The following CPNE4 variants were observed in gnomAD, a reference collection of about 807,000 sequenced individuals.
CPNE4 encodes copine-4.
CPNE4 carries 25 observed loss-of-function variants against 67.9 expected under a neutral mutation model. That is an observed-to-expected ratio of 0.37 (90% CI 0.27 to 0.51). CPNE4 has a LOEUF of 0.51. CPNE4 is among the 20% of genes least tolerant of loss of function. The pLI is 0.93. For missense variants in CPNE4, 464 were observed against 690.8 expected, an observed-to-expected ratio of 0.67 and a Z score of 3.68; for synonymous variants, 242 against 244.9, an observed-to-expected ratio of 0.99 and a Z score of 0.11.
At chr3:131,619,720 C>G (rs1940359382) in intron 7 of CPNE4, among the ~76,000 whole-genome samples, 1 of 152,144 alleles carries the variant, frequency 6.6e-6, no homozygotes, top group African/African-American at 2.4e-5. Context: ...ATTTATTACA[C>G]ACTTAGATTC....
intron 2 of CPNE4, among the ~76,000 whole-genome samples, chr3:131,840,961 G>A (rs1005040740): frequency 4.6e-5 from 7 of 152,006 alleles, no homozygotes; most frequent in African/African-American, 1.7e-4. Flanking sequence ...TTCTCTGTGG[G>A]AAGAGAACAG....
rs12634089 is a variant in CPNE4 at position 131,941,636 on chromosome 3, A to G, written c.-1-36192T>C. 5.9e-5 allele frequency among the ~76,000 whole-genome samples: 9 copies of G among 152,254 alleles called. No individual in the cohort carries two copies. The East Asian group carries it at 1.5e-3, about 26-fold the overall frequency. Reference sequence around the variant, plus strand: ...GTTACTTTAATGCAAAATATTATAAAGTGATTCAATAAAAGGCTAAAGAAT... The same window carrying G: ...GTTACTTTAATGCAAAATATTATAAGGTGATTCAATAAAAGGCTAAAGAAT... On this transcript the variant is annotated intron_variant, in intron 1 of 15. Transcript: ENST00000429747.
chr3:131,952,196 G>A (rs2071756639), intron 1 of CPNE4, among the ~76,000 whole-genome samples: 1 of 147,794 alleles, frequency 6.8e-6, no homozygotes, highest in South Asian at 2.2e-4. Context: ...TGAGATGTGG[G>A]GAGCGCCTCT....
chr3:131,706,121 T>C (rs971035637), intron 3 of CPNE4, among the ~76,000 whole-genome samples: 7 of 152,182 alleles, frequency 4.6e-5, no homozygotes, highest in Non-Finnish European at 8.8e-5. Context: ...GGGTTGTGAG[T>C]TGTCTTCAGT....
chr3:131,833,935 T>A (rs1235863774), intron 2 of CPNE4, among the ~76,000 whole-genome samples: 3 of 152,150 alleles, frequency 2.0e-5, no homozygotes, highest in African/African-American at 7.2e-5. Context: ...CCAGAGCAAT[T>A]GAGGGTGAAG....
At chr3:131,660,060 C>T (rs1004438866) in intron 7 of CPNE4, among the ~76,000 whole-genome samples, 9 of 152,258 alleles carry the variant, frequency 5.9e-5, no homozygotes, top group East Asian at 1.9e-4. Context: ...TGTATTTCAA[C>T]GATTACCACC....
intron 1 of CPNE4, among the ~76,000 whole-genome samples, chr3:131,977,051 C>T (rs2072677720): frequency 6.6e-6 from 1 of 152,168 alleles, no homozygotes; most frequent in Non-Finnish European, 1.5e-5. Flanking sequence ...CTGCCCGCCT[C>T]AGCCTCCCAA....
chr3:131,996,622 A>G (rs6439331), intron 1 of CPNE4, among the ~76,000 whole-genome samples: 142,526 of 151,840 alleles, frequency 0.94, 67,018 homozygotes, highest in African/African-American at 0.98. Flanking sequence ...CTCCACTTAG[A>G]TATCATCTAG....
chr3:131,592,551 C>T (rs1938598348), intron 7 of CPNE4, among the ~76,000 whole-genome samples: 1 of 151,616 alleles, frequency 6.6e-6, no homozygotes, highest in African/African-American at 2.4e-5. Flanking sequence ...TGACTAGACA[C>T]CTGGTAAGTG....
intron 2 of CPNE4, among the ~76,000 whole-genome samples, chr3:131,818,228 A>G (rs2084823654): frequency 6.6e-6 from 1 of 152,190 alleles, no homozygotes; most frequent in Admixed American, 6.5e-5. Flanking sequence ...TTCTTCCCTC[A>G]ACACATGCTT....
At chr3:131,677,588 C>T (rs111560399) in intron 6 of CPNE4, among the ~76,000 whole-genome samples, 5 of 152,102 alleles carry the variant, frequency 3.3e-5, no homozygotes, top group African/African-American at 1.2e-4. Flanking sequence ...GTCTTTAATC[C>T]ATCTTGAGTT....
intron 2 of CPNE4, among the ~76,000 whole-genome samples, chr3:131,854,106 A>G (rs1011644025): frequency 1.3e-5 from 2 of 151,952 alleles, no homozygotes; most frequent in East Asian, 3.8e-4. Context: ...AGCCTTATTC[A>G]CAATAGCTAA....
intron 3 of CPNE4, among the ~76,000 whole-genome samples, chr3:131,714,259 T>C (rs1318265739): frequency 2.6e-5 from 4 of 152,084 alleles, no homozygotes. Context: ...CTAATACCCA[T>C]TGATCAATAG....
intron 2 of CPNE4, among the ~76,000 whole-genome samples, chr3:131,772,263 T>C (rs1419204395): frequency 1.3e-5 from 2 of 152,096 alleles, no homozygotes; most frequent in Non-Finnish European, 2.9e-5. Flanking sequence ...GCCTAGCATA[T>C]AGCAGATGTT....
At chr3:131,841,841 A>G (rs2085794866) in intron 2 of CPNE4, among the ~76,000 whole-genome samples, 4 of 152,194 alleles carry the variant, frequency 2.6e-5, no homozygotes, top group Admixed American at 2.6e-4. Context: ...TAAACTATAA[A>G]CAATAAAGAA....
intron 3 of CPNE4, among the ~76,000 whole-genome samples, chr3:131,722,935 T>G (rs1190710710): frequency 1.3e-5 from 2 of 152,360 alleles, no homozygotes; most frequent in East Asian, 3.9e-4. Flanking sequence ...GATATAATAC[T>G]GATATTTATT....
At chr3:131,739,347 T>C (rs895458494) in intron 2 of CPNE4, among the ~76,000 whole-genome samples, 8 of 152,230 alleles carry the variant, frequency 5.3e-5, no homozygotes, top group Non-Finnish European at 1.0e-4. Flanking sequence ...CTGCCTACCC[T>C]GCCTTGTCAC....
intron 2 of CPNE4, among the ~76,000 whole-genome samples, chr3:131,807,259 C>T (rs1188614314): frequency 6.6e-6 from 1 of 152,158 alleles, no homozygotes; most frequent in Non-Finnish European, 1.5e-5. Context: ...TGAAGCACCA[C>T]AAAGTCACAC....
At chr3:131,899,124 A>G (rs2107761040) in intron 2 of CPNE4, among the ~76,000 whole-genome samples, 1 of 152,208 alleles carries the variant, frequency 6.6e-6, no homozygotes, top group Admixed American at 6.5e-5. Context: ...GCTCTCGTCT[A>G]TGTCCACAAC....
Sources: allele counts gnomAD v4.1 joint callset (sites outside exome capture counted in the v4.1 genomes callset), GRCh38; gene constraint gnomAD v4.1.1; transcripts MANE v1.5; gene names NCBI Gene and HGNC (gene_info 2026-07-23, HGNC 2026-07-21).